CCDC85C: variants seen among roughly 807,000 people sequenced by gnomAD.
CCDC85C encodes coiled-coil domain-containing protein 85C.
A neutral mutation model predicts 38.3 loss-of-function variants in CCDC85C; 18 were observed. That is an observed-to-expected ratio of 0.47 (90% CI 0.33 to 0.70). The LOEUF (loss-of-function observed/expected upper bound fraction) is 0.70, where lower values mean the gene tolerates loss of function less well. Among genes scored for constraint, CCDC85C ranks in the 30% least tolerant of loss-of-function variants. CCDC85C has a pLI of 0.03. For missense variants in CCDC85C, 566 were observed against 621.2 expected (o/e 0.91, Z 0.94); for synonymous variants, 264 against 293.8 (o/e 0.90, Z 1.04).
rs536559969 is a variant in CCDC85C at position 99,571,749 on chromosome 14, G to A, written c.793+31418C>T. ...GCACAGGGTAATTTGTGGCCTGTCC[G>A]GGCCTTTGCCAATGTAAATATTTCA... On this transcript the variant is annotated intron_variant, in intron 1 of 5. Transcript: ENST00000380243. 7.9e-5 allele frequency among the ~76,000 whole-genome samples: 12 copies of A among 152,312 alleles called. No homozygotes were observed. The South Asian group carries it at 1.0e-3, about 13-fold the overall frequency.
chr14:99,566,956 A>G (rs998657657), intron 1 of CCDC85C, among the ~76,000 whole-genome samples: 5 of 152,162 alleles, frequency 3.3e-5, no homozygotes, highest in African/African-American at 1.2e-4. Flanking sequence ...CTAGCATAAC[A>G]TCCAGTACAC....
At chr14:99,534,901 G>T in intron 2 of CCDC85C, 1 of 592,394 alleles carries the variant, frequency 1.7e-6, no homozygotes, top group Non-Finnish European at 3.0e-6. Context: ...ACTTGCGCCT[G>T]TATGGTGGTG....
rs1158177680 is a variant in CCDC85C, at chr14:99,510,148, C to T, written c.*5098G>A. The stretch of plus-strand genomic sequence containing the variant: ...GGAGGCCGGGCACTGATGCGTCTCT[C>T]TCCTGCAGACCGGAAGCCTCCCCTC... On this transcript the variant is annotated 3_prime_UTR_variant, in exon 6 of 6. Coordinates refer to ENST00000380243, the MANE Select transcript of CCDC85C (RefSeq NM_001144995.2). 1 of 1,592,156 alleles carries T rather than the reference C, an allele frequency of 6.3e-7. No individual in the cohort carries two copies. Among genetic ancestry groups the T allele is most frequent in the Admixed American group, 1.7e-5 (1 of 58,370 alleles).
intron 2 of CCDC85C, among the ~76,000 whole-genome samples, chr14:99,526,740 C>T (rs1046297071): frequency 6.6e-6 from 1 of 152,216 alleles, no homozygotes; most frequent in Non-Finnish European, 1.5e-5. Flanking sequence ...GAGTAATAAA[C>T]GCAGGGCCTC....
intron 1 of CCDC85C, among the ~76,000 whole-genome samples, chr14:99,554,056 C>A (rs1003750604): frequency 1.3e-5 from 2 of 152,282 alleles, no homozygotes; most frequent in Admixed American, 6.5e-5. Context: ...TCCCCGCCAC[C>A]CAGTGTGGTC....
Position 99,503,659 on chromosome 14 carries a change from T to C in CCDC85C, c.*11587A>G, listed in dbSNP as rs1174944768. On this transcript the variant is annotated 3_prime_UTR_variant, in exon 6 of 6. Coordinates refer to ENST00000380243, the MANE Select transcript of CCDC85C (RefSeq NM_001144995.2). ...CAAAGCAGCAGGTAATTTCCTGTTC[T>C]GATGTTTTTTTAGTTTTATGTGTTT... 1.2e-5 allele frequency: 19 copies of C among 1,552,106 alleles called. No individual in the cohort carries two copies. The highest frequency in any genetic ancestry group is 7.1e-5 in the East Asian group (3 of 42,276).
chr14:99,587,885 C>T (rs1041599579), intron 1 of CCDC85C, among the ~76,000 whole-genome samples: 1 of 152,226 alleles, frequency 6.6e-6, no homozygotes, highest in East Asian at 1.9e-4. Context: ...TCACAGCCAG[C>T]CACAGAAATG....
In CCDC85C at chr14:99,576,134, T is replaced by C. The variant is rs1260262697; in HGVS notation, c.793+27033A>G. Among the ~76,000 whole-genome samples, 1 of 152,104 alleles carries C rather than the reference T, an allele frequency of 6.6e-6. No homozygotes were observed. Among genetic ancestry groups the C allele is most frequent in the Non-Finnish European group, 1.5e-5 (1 of 68,026 alleles). On this transcript the variant is annotated intron_variant, in intron 1 of 5. Coordinates refer to ENST00000380243, the MANE Select transcript of CCDC85C (RefSeq NM_001144995.2). The surrounding 1 kb of genome is among the most constrained non-coding windows in gnomAD (Gnocchi z 4.8). Reference sequence around the variant, plus strand: ...CTCCATCCCCAAAAAGTAGCCACAATCCCACAAAGAGGGCCAGGGGTACAT... The same window carrying C: ...CTCCATCCCCAAAAAGTAGCCACAACCCCACAAAGAGGGCCAGGGGTACAT...
At position 99,510,803 on chromosome 14, in the gene CCDC85C, T is replaced by G; in HGVS notation, c.*4443A>C. The G allele has an allele frequency of 7.1e-7, 1 of 1,409,388 alleles. No individual in the cohort carries two copies. Among genetic ancestry groups the G allele is most frequent in the Non-Finnish European group, 9.2e-7 (1 of 1,081,094 alleles). 87.3% of individuals were successfully genotyped at this position (1,409,388 alleles called of 1,614,324 possible). On this transcript the variant is annotated 3_prime_UTR_variant, in exon 6 of 6. Transcript: ENST00000380243. The stretch of plus-strand genomic sequence containing the variant: ...GATAACGTGAGCCTTTTTTCCCTCT[T>G]TGTTTTTTTAACAAGATTTTCTAAT...
rs970742510 is a variant in CCDC85C, at chr14:99,510,065, C to T, written c.*5181G>A. The stretch of plus-strand genomic sequence containing the variant: ...AGGAGGCGGGCAGCTGCTCCCTGCT[C>T]CTCTGTAAAGATGGCCCTGAAGGGC... On this transcript the variant is annotated 3_prime_UTR_variant, in exon 6 of 6. Coordinates refer to ENST00000380243, the MANE Select transcript of CCDC85C (RefSeq NM_001144995.2). The T allele has an allele frequency of 3.6e-5, 48 of 1,321,796 alleles. No individual in the cohort carries two copies. The African/African-American group carries it at 5.3e-4, about 15-fold the overall frequency. 81.9% of individuals were successfully genotyped at this position (1,321,796 alleles called of 1,614,324 possible).
Position 99,504,700 on chromosome 14 carries a change from C to G in CCDC85C, c.*10546G>C, listed in dbSNP as rs1191899546. ...CCCGACCTCAGGTGATCTGCTCGCC[C>G]CAGCCTCCCAAAGTGCTGCGATTAC... On this transcript the variant is annotated 3_prime_UTR_variant, in exon 6 of 6. Coordinates refer to ENST00000380243, the MANE Select transcript of CCDC85C (RefSeq NM_001144995.2). 6.6e-6 allele frequency: 1 copy of G among 152,098 alleles called. No individual in the cohort carries two copies. The highest frequency in any genetic ancestry group is 2.4e-5 in the African/African-American group (1 of 41,404). 9.4% of individuals were successfully genotyped at this position (152,098 alleles called of 1,614,324 possible).
intron 2 of CCDC85C, among the ~76,000 whole-genome samples, chr14:99,526,423 T>C (rs1167650727): frequency 1.3e-5 from 2 of 152,178 alleles, no homozygotes; most frequent in African/African-American, 4.8e-5. Context: ...GGGAGCCAGG[T>C]TGGAGGACAG....
Position 99,576,088 on chromosome 14 carries a change from C to T in CCDC85C, c.793+27079G>A, listed in dbSNP as rs1359821324. On this transcript the variant is annotated intron_variant, in intron 1 of 5. Coordinates refer to ENST00000380243, the MANE Select transcript of CCDC85C (RefSeq NM_001144995.2). The surrounding 1 kb of genome is among the most constrained non-coding windows in gnomAD (Gnocchi z 4.8). ...CTGTGCCCGTCTAATGAGGGTGGCT[C>T]ACACTAATGGCCACATCTTCCTCCA... Among the ~76,000 whole-genome samples the T allele has an allele frequency of 6.6e-6, 1 of 152,228 alleles. No individual in the cohort carries two copies. The highest frequency in any genetic ancestry group is 1.5e-5 in the Non-Finnish European group (1 of 68,036).
Position 99,572,036 on chromosome 14 carries a change from AC to A in CCDC85C, c.793+31130del, listed in dbSNP as rs1380700121. Among the ~76,000 whole-genome samples the A allele has an allele frequency of 1.9e-4, 29 of 152,168 alleles. No individual in the cohort carries two copies. Among genetic ancestry groups the A allele is most frequent in the African/African-American group, 7.0e-4 (29 of 41,430 alleles). ...GACTGCCTGCAGCAGGCACCCTTCC[AC>A]GGGGCATCTCAGAGCGTGATCCCCA... is the stretch of plus-strand genomic sequence containing the variant. On this transcript the variant is annotated intron_variant, in intron 1 of 5. Coordinates refer to ENST00000380243, the MANE Select transcript of CCDC85C (RefSeq NM_001144995.2). This position sits in a 1 kb window ranked among gnomAD's most constrained non-coding sequence, Gnocchi z 4.4.
chr14:99,594,717 T>C (rs2055124561), intron 1 of CCDC85C, among the ~76,000 whole-genome samples: 2 of 152,102 alleles, frequency 1.3e-5, no homozygotes, highest in African/African-American at 4.8e-5. Context: ...CCATCCAAGC[T>C]TCCTATTTTA....
Position 99,572,769 on chromosome 14 carries a change from C to G in CCDC85C, c.793+30398G>C, listed in dbSNP as rs1289379444. On this transcript the variant is annotated intron_variant, in intron 1 of 5. Transcript: ENST00000380243. This position sits in a 1 kb window ranked among gnomAD's most constrained non-coding sequence, Gnocchi z 4.4. ...TGGATTTGTTTGCCAGTTTATCCAT[C>G]TTCCAAAGGAGACTTCTGTCTGTCT... The G allele has an allele frequency of 2.9e-5, 13 of 456,008 alleles. No homozygotes were observed. Among genetic ancestry groups the G allele is most frequent in the Non-Finnish European group, 3.5e-5 (8 of 226,818 alleles). The allele number at this position is 456,008 out of a possible 1,614,324, so 28.2% of individuals were successfully genotyped here. A position where few individuals can be genotyped will look rare whatever the true frequency, so the allele number is the denominator to read the frequency against.
chr14:99,521,952 T>C (rs1897308669), intron 3 of CCDC85C, among the ~76,000 whole-genome samples, 181 bp downstream of exon 3: 1 of 152,210 alleles, frequency 6.6e-6, no homozygotes, highest in Non-Finnish European at 1.5e-5. Flanking sequence ...CCTCCAGCAG[T>C]GTCAACCCAC....
intron 3 of CCDC85C, 73 bp from the exon 4 acceptor site, chr14:99,517,256 GC>G (rs1897241848): frequency 1.6e-6 from 2 of 1,225,714 alleles, no homozygotes; most frequent in African/African-American, 1.5e-5. Flanking sequence ...CTCAGACAAG[GC>G]CCCCATTCTG....
At position 99,566,875 on chromosome 14, in the gene CCDC85C, G is replaced by T. The variant is rs573871768; in HGVS notation, c.794-30787C>A. On this transcript the variant is annotated intron_variant, in intron 1 of 5. Transcript: ENST00000380243. ...CACTGTCCTGCACCCTCTACTGAAG[G>T]GAAGGGGCCTAGATGGCTTCCACTC... 5.1e-4 allele frequency among the ~76,000 whole-genome samples: 78 copies of T among 152,290 alleles called. 1 individual carries two copies. Among genetic ancestry groups the T allele is most frequent in the African/African-American group, 1.8e-3 (76 of 41,566 alleles).
Sources: gnomAD v4.1 joint callset for allele counts (sites outside exome capture counted in the v4.1 genomes callset) on GRCh38, gnomAD v4.1.1 for gene constraint, Gnocchi (gnomAD v3.1) non-coding constraint, MANE v1.5 for transcripts, NCBI Gene and HGNC (gene_info 2026-07-23, HGNC 2026-07-21) for gene names.